Variants in NCSTN observed in about 807,000 individuals in gnomAD.
The protein encoded by NCSTN is nicastrin.
In NCSTN, 22 loss-of-function variants were observed where a neutral mutation model predicts 87.0. The observed-to-expected ratio is 0.25, with a 90% CI of 0.18 to 0.36. The LOEUF is 0.36. NCSTN is among the 10% of genes least tolerant of loss of function. The pLI is 1.00. For synonymous variants in NCSTN, 306 were observed against 327.1 expected, an observed-to-expected ratio of 0.94 and a Z score of 0.69; for missense variants, 693 against 883.3, an observed-to-expected ratio of 0.78 and a Z score of 2.73.
chr1:160,347,782 G>A (rs1255647443), intron 2 of NCSTN, among the ~76,000 whole-genome samples: 2 of 152,196 alleles, frequency 1.3e-5, no homozygotes, highest in African/African-American at 4.8e-5. Context: ...GCTAATTTTT[G>A]TATTTTTAGT....
chr1:160,346,898 C>G (rs1371936395), intron 2 of NCSTN, among the ~76,000 whole-genome samples: 4 of 152,226 alleles, frequency 2.6e-5, no homozygotes, highest in Non-Finnish European at 4.4e-5. Flanking sequence ...AGCCACCATG[C>G]CCAGCCCTCT....
Position 160,352,800 on chromosome 1 carries a change from C to A in NCSTN, c.997-87C>A. Reference sequence around the variant, plus strand: ...AGGTGACCTGAGATAGTCGTCTTACCTACAGCTTTGATGATCTGGCCGCCT... The same window carrying A: ...AGGTGACCTGAGATAGTCGTCTTACATACAGCTTTGATGATCTGGCCGCCT... On this transcript the variant is annotated intron_variant, in intron 8 of 16. Transcript: ENST00000294785. The A allele has an allele frequency of 8.8e-6, 9 of 1,023,880 alleles. No homozygotes were observed. In the South Asian group the frequency reaches 1.2e-4, roughly 13 times the overall value. 63.4% of individuals were successfully genotyped at this position (1,023,880 alleles called of 1,614,324 possible). A position where few individuals can be genotyped will look rare whatever the true frequency, so the allele number is the denominator to read the frequency against.
intron 16 of NCSTN, among the ~76,000 whole-genome samples, chr1:160,357,942 A>T (rs186880885): frequency 1.3e-5 from 2 of 152,324 alleles, no homozygotes; most frequent in East Asian, 3.9e-4. Context: ...TACAAGATGG[A>T]AGCAAGAACA....
At position 160,353,248 on chromosome 1, in the gene NCSTN, C is replaced by G. The variant is rs1343248329; in HGVS notation, c.1179+11C>G. 2 of 1,614,098 alleles carry G rather than the reference C, an allele frequency of 1.2e-6. No individual in the cohort carries two copies. The highest frequency in any genetic ancestry group is 2.2e-5 in the East Asian group (1 of 44,886). On this transcript the variant is annotated intron_variant, in intron 10 of 16. Coordinates refer to ENST00000294785, the MANE Select transcript of NCSTN (RefSeq NM_015331.3). ...TCTGTACGGAACCAGGTAACCTGAG[C>G]ATCTCCCCTCATTTCCTATTCCTAC...
At chr1:160,345,938 G>GGAAAAAA (rs368554871) in intron 2 of NCSTN, among the ~76,000 whole-genome samples, 2 of 59,808 alleles carry the variant, frequency 3.3e-5, no homozygotes, top group Non-Finnish European at 5.9e-5. Flanking sequence ...GACACTGTCT[G>GGAAAAAA]AAAAAAAAAA....
chr1:160,356,546 A>T lies in NCSTN; in HGVS notation c.1640-54A>T, dbSNP rs866843039. On this transcript the variant is annotated intron_variant, in intron 14 of 16. Transcript: ENST00000294785. ...CTGCTGCCAATCTTGGGCTTTTCCT[A>T]TTTCACCCACCATCCACCCACCAAA... 1.1e-5 allele frequency: 18 copies of T among 1,605,422 alleles called. No individual in the cohort carries two copies. In the Middle Eastern group the frequency reaches 1.5e-3, roughly 132 times the overall value.
chr1:160,349,744 G>T, intron 4 of NCSTN, 74 bp downstream of exon 4: 1 of 1,572,676 alleles, frequency 6.4e-7, no homozygotes, highest in South Asian at 1.1e-5. Context: ...ACGTCTTTGT[G>T]AGGGATGTAT....
At position 160,358,275 on chromosome 1, in the gene NCSTN, G is replaced by A. The variant is rs1303854977; in HGVS notation, c.*4G>A. On this transcript the variant is annotated 3_prime_UTR_variant, in exon 17 of 17. Coordinates refer to ENST00000294785, the MANE Select transcript of NCSTN (RefSeq NM_015331.3). ...GCCAGGAGCTGTGTCATACTGAGGA[G>A]GACCCCAGCTTTTCTTGCCAGCTCA... 3 of 1,613,926 alleles carry A rather than the reference G, an allele frequency of 1.9e-6. No homozygotes were observed. The Admixed American group carries it at 5.0e-5, about 27-fold the overall frequency.
intron 10 of NCSTN, chr1:160,353,552 A>C (rs2369607): frequency 0.38 from 485,542 of 1,267,410 alleles, 95,753 homozygotes; most frequent in South Asian, 0.48. Flanking sequence ...TCCAATTGTC[A>C]AGGCTGCTCT....
At chr1:160,352,376 G>T (rs546642975) in intron 8 of NCSTN, among the ~76,000 whole-genome samples, 170 bp downstream of exon 8, 3 of 152,328 alleles carry the variant, frequency 2.0e-5, no homozygotes, top group African/African-American at 7.2e-5. Flanking sequence ...ATTTTAGGAA[G>T]CTTAGATTCC....
In NCSTN at chr1:160,354,129, C is replaced by T. The variant is rs201976815; in HGVS notation, c.1191C>T (p.Leu397=). 7 of 1,614,028 alleles carry T rather than the reference C, an allele frequency of 4.3e-6. No homozygotes were observed. The highest frequency in any genetic ancestry group is 1.1e-5 in the South Asian group (1 of 91,076). ...CTCGTACCCCCCAGGTGGAGGATCTCCTGGCCACATTGGAGAAGAGTGGTG... is the reference window on the plus strand; with the variant it reads ...CTCGTACCCCCCAGGTGGAGGATCTTCTGGCCACATTGGAGAAGAGTGGTG... The part of the protein sequence containing the change: ...NESVRNQVED[L]LATLEKSGAG... Residue 397 remains leucine, a synonymous_variant, in exon 11 of 17, where the codon CTC becomes CTT. Transcript: ENST00000294785.
chr1:160,349,482 G>A (rs1324562377), intron 3 of NCSTN, 67 bp from the exon 4 acceptor site: 2 of 1,602,442 alleles, frequency 1.2e-6, no homozygotes, highest in East Asian at 4.5e-5. Context: ...TTTCCATCCT[G>A]CAGGCAGAAT....
In NCSTN at chr1:160,350,269, C is replaced by T; in HGVS notation, c.582+19C>T. 1 of 1,612,890 alleles carries T rather than the reference C, an allele frequency of 6.2e-7. No individual in the cohort carries two copies. Among genetic ancestry groups the T allele is most frequent in the African/African-American group, 1.3e-5 (1 of 74,974 alleles). ...CAAGCAGGTAATGACACTGCCAGCT[C>T]CTAGCAATTCCAGTTAGAAAGAAGA... On this transcript the variant is annotated intron_variant, in intron 5 of 16. Transcript: ENST00000294785.
At chr1:160,351,003 A>C (rs1195157180) in intron 5 of NCSTN, among the ~76,000 whole-genome samples, 1 of 152,144 alleles carries the variant, frequency 6.6e-6, no homozygotes, top group Non-Finnish European at 1.5e-5. Context: ...CTCCAGCTAA[A>C]CCACTGAGTC....
Position 160,344,776 on chromosome 1 carries a change from C to T in NCSTN, c.140C>T (p.Thr47Ile), listed in dbSNP as rs902411403. 2 of 1,613,992 alleles carry T rather than the reference C, an allele frequency of 1.2e-6. No homozygotes were observed. Among genetic ancestry groups the T allele is most frequent in the Non-Finnish European group, 1.7e-6 (2 of 1,180,018 alleles). ...AAGATATATATCCCCTTAAATAAAA[C>T]AGCTCCCTGTGTTCGCCTGCTCAAC... ...ERKIYIPLNK[T>I]APCVRLLNAT... The change falls in exon 2 of 17, where the codon ACA becomes ATA. Residue 47 changes from threonine (T) to isoleucine (I), a missense_variant. By Grantham distance (89) the Thr-to-Ile change is moderately conservative. Coordinates refer to ENST00000294785, the MANE Select transcript of NCSTN (RefSeq NM_015331.3).
At chr1:160,358,109 A>G (rs948997694) in intron 16 of NCSTN, 40 bp from the exon 17 acceptor site, 12 of 1,614,010 alleles carry the variant, frequency 7.4e-6, no homozygotes, top group Non-Finnish European at 1.0e-5. Context: ...CTGAGTTCTG[A>G]GAATGCCTTT....
At position 160,357,218 on chromosome 1, in the gene NCSTN, G is replaced by T; in HGVS notation, c.1972G>T (p.Ala658Ser). The part of the protein sequence containing the change: ...WTESRWKDIR[A>S]RIFLIASKEL... ...TGAGAGCCGCTGGAAAGATATCCGT[G>T]CCCGGATATTTCTCATCGCCAGCAA... The change falls in exon 16 of 17, where the codon GCC becomes TCC. Residue 658 changes from alanine to serine, a missense_variant. By Grantham distance (99) the Ala-to-Ser change is moderately conservative. Coordinates refer to ENST00000294785, the MANE Select transcript of NCSTN (RefSeq NM_015331.3). 6.2e-7 allele frequency: 1 copy of T among 1,614,112 alleles called. No individual in the cohort carries two copies. The highest frequency in any genetic ancestry group is 1.3e-5 in the African/African-American group (1 of 75,046).
intron 1 of NCSTN, 100 bp downstream of exon 1, chr1:160,343,581 C>T: frequency 7.3e-6 from 8 of 1,089,846 alleles, no homozygotes; most frequent in Non-Finnish European, 1.1e-5. Context: ...TGCTGCCCCT[C>T]TGTCCCCCCA....
In NCSTN at chr1:160,352,921, T is replaced by C; in HGVS notation, c.1031T>C (p.Val344Ala). ...TFDYIGSSRM[V>A]YDMEKGKFPV... ...GACTACATTGGCAGCTCGAGGATGG[T>C]CTACGATATGGAGAAGGGCAAGTTT... is the stretch of plus-strand genomic sequence containing the variant. The change falls in exon 9 of 17, where the codon GTC becomes GCC. Residue 344 changes from valine to alanine, a missense_variant. This residue lies in a region of NCSTN where 134 missense variants were observed against 226.0 expected (regional missense o/e 0.59). Transcript: ENST00000294785. 1.2e-6 allele frequency: 2 copies of C among 1,614,130 alleles called. No individual in the cohort carries two copies. Among genetic ancestry groups the C allele is most frequent in the Non-Finnish European group, 1.7e-6 (2 of 1,180,022 alleles).
Sources: gnomAD v4.1 joint callset for allele counts (sites outside exome capture counted in the v4.1 genomes callset) on GRCh38, gnomAD v4.1.1 for gene constraint, gnomAD v4.1.1 regional missense constraint, MANE v1.5 for transcripts, NCBI Gene and HGNC (gene_info 2026-07-23, HGNC 2026-07-21) for gene names.